CLEC16A: variants seen among roughly 807,000 people sequenced by gnomAD.
CLEC16A encodes the protein protein CLEC16A.
Under a neutral mutation model 109.5 loss-of-function variants are expected in CLEC16A, and 51 were observed. The ratio of observed to expected loss-of-function variants is 0.47; its 90% CI spans 0.37 to 0.59. The LOEUF (loss-of-function observed/expected upper bound fraction) is 0.59, where lower values mean the gene tolerates loss of function less well. Ranked by LOEUF, CLEC16A falls within the 20% of genes least tolerant of loss-of-function variation. The probability of loss-of-function intolerance (pLI) is 0.00; values close to 1 mark genes in which losing one functional copy is unlikely to be tolerated. For synonymous variants in CLEC16A, 673 were observed against 564.2 expected (o/e 1.19, Z -2.73); for missense variants, 1,339 against 1,394.0 (o/e 0.96, Z 0.63).
rs559683387 is a variant in CLEC16A at position 11,134,633 on chromosome 16, C to G, written c.2641+8487C>G. Among the ~76,000 whole-genome samples the G allele has an allele frequency of 3.9e-5, 6 of 152,352 alleles. No individual in the cohort carries two copies. In the South Asian group the frequency reaches 1.2e-3, roughly 32 times the overall value. On this transcript the variant is annotated intron_variant, in intron 22 of 23. Transcript: ENST00000409790. ...GGAATATTTGCATTATACTTACTTA[C>G]TGGTTTAGCTTCACTAATCTAAAAA...
At chr16:11,061,557 G>C (rs1026410160) in intron 19 of CLEC16A, among the ~76,000 whole-genome samples, 27 of 152,208 alleles carry the variant, frequency 1.8e-4, no homozygotes, top group African/African-American at 6.0e-4. Context: ...ATGAGGCTCA[G>C]CTTTAGAGAA....
rs996646494 is a variant in CLEC16A at position 10,962,392 on chromosome 16, GATA to G, written c.210-57_210-55del. On this transcript the variant is annotated intron_variant, in intron 2 of 23. Coordinates refer to ENST00000409790, the MANE Select transcript of CLEC16A (RefSeq NM_015226.3). ...AATACTTGTGTTGTGAATGAAACCAGATAATAATTTCTGTTTCCACATGTGGAA... is the reference window on the plus strand; with the variant it reads ...AATACTTGTGTTGTGAATGAAACCAGATAATTTCTGTTTCCACATGTGGAA... The G allele has an allele frequency of 3.1e-6, 5 of 1,600,414 alleles. No individual in the cohort carries two copies. In the African/African-American group the frequency reaches 6.7e-5, roughly 21 times the overall value.
chr16:10,985,372 T>C (rs2146839057), intron 10 of CLEC16A, among the ~76,000 whole-genome samples: 1 of 151,894 alleles, frequency 6.6e-6, no homozygotes, highest in East Asian at 1.9e-4. Flanking sequence ...TTTTGGAATC[T>C]TCTCCAACAG....
chr16:11,139,157 C>T (rs1399776259), intron 22 of CLEC16A, among the ~76,000 whole-genome samples: 1 of 152,116 alleles, frequency 6.6e-6, no homozygotes, highest in Non-Finnish European at 1.5e-5. Flanking sequence ...GTCCAGAAGG[C>T]CTTCGGGAGT....
At chr16:11,169,231 C>T (rs1020437861) in intron 23 of CLEC16A, among the ~76,000 whole-genome samples, 1 of 152,194 alleles carries the variant, frequency 6.6e-6, no homozygotes, top group African/African-American at 2.4e-5. Context: ...CTGCCAGACC[C>T]TCCGAAGTCA....
rs551501341 is a variant in CLEC16A at position 11,019,796 on chromosome 16, G to C, written c.1304-397G>C. On this transcript the variant is annotated intron_variant, in intron 11 of 23. Coordinates refer to ENST00000409790, the MANE Select transcript of CLEC16A (RefSeq NM_015226.3). ...AAAAAAAAAAAAAAAAAAATGTAAG[G>C]AGCTTTAGAATGTTGTCAGTGAGGT... Among the ~76,000 whole-genome samples, 164 of 151,868 alleles carry C rather than the reference G, an allele frequency of 1.1e-3. 1 individual carries two copies. Among genetic ancestry groups the C allele is most frequent in the African/African-American group, 3.8e-3 (158 of 41,400 alleles).
At chr16:11,146,065 G>GT (rs2054042772) in intron 22 of CLEC16A, among the ~76,000 whole-genome samples, 1 of 152,206 alleles carries the variant, frequency 6.6e-6, no homozygotes, top group African/African-American at 2.4e-5. Context: ...GGTGGCCTCT[G>GT]TTTGGAGAAG....
intron 23 of CLEC16A, among the ~76,000 whole-genome samples, chr16:11,170,940 G>C (rs1469066576): frequency 6.6e-6 from 1 of 152,190 alleles, no homozygotes; most frequent in Non-Finnish European, 1.5e-5. Context: ...TGACAGCCGG[G>C]GGATGAGGGG....
In CLEC16A at chr16:11,170,751, A is replaced by AT. The variant is rs1365807239; in HGVS notation, c.2806+4201dup. On this transcript the variant is annotated intron_variant, in intron 23 of 23. Coordinates refer to ENST00000409790, the MANE Select transcript of CLEC16A (RefSeq NM_015226.3). ...AGGATAAGTCCCTACTGTGCACAGC[A>AT]TTCGGGATACAATGTGGCAAAAAGC... 9.8e-5 allele frequency among the ~76,000 whole-genome samples: 15 copies of AT among 152,330 alleles called. No homozygotes were observed. In the South Asian group the frequency reaches 3.1e-3, roughly 32 times the overall value.
chr16:10,999,817 T>C (rs775853712), intron 10 of CLEC16A, among the ~76,000 whole-genome samples: 22 of 152,178 alleles, frequency 1.4e-4, no homozygotes, highest in Non-Finnish European at 2.8e-4. Flanking sequence ...GTTTCGGCAC[T>C]CTCTGAAGGA....
chr16:11,118,401 C>G (rs550317811), intron 19 of CLEC16A, among the ~76,000 whole-genome samples: 2 of 152,262 alleles, frequency 1.3e-5, no homozygotes, highest in Non-Finnish European at 2.9e-5. Context: ...AATGGGAAAA[C>G]TGGTTCTGAA....
intron 18 of CLEC16A, 135 bp downstream of exon 18, chr16:11,051,776 C>A (rs1238281786): frequency 1.8e-6 from 2 of 1,134,954 alleles, no homozygotes; most frequent in Non-Finnish European, 2.5e-6. Context: ...TAGAGAGTAC[C>A]CATTTGCCCC....
chr16:10,989,670 A>G (rs2043882393), intron 10 of CLEC16A, among the ~76,000 whole-genome samples: 1 of 152,182 alleles, frequency 6.6e-6, no homozygotes, highest in Non-Finnish European at 1.5e-5. Context: ...TGTAGATACC[A>G]GTTTAGCAGT....
intron 19 of CLEC16A, among the ~76,000 whole-genome samples, chr16:11,084,392 A>G (rs889582097): frequency 3.9e-5 from 6 of 152,134 alleles, no homozygotes; most frequent in African/African-American, 1.4e-4. Context: ...ATTCTTATTC[A>G]AAGTTGGATC....
chr16:10,963,330 G>T (rs1019819641), intron 3 of CLEC16A, among the ~76,000 whole-genome samples: 1 of 152,180 alleles, frequency 6.6e-6, no homozygotes, highest in Non-Finnish European at 1.5e-5. Context: ...CCACAATGGG[G>T]GTTAGAGCTT....
At chr16:11,038,603 T>C (rs570592108) in intron 13 of CLEC16A, among the ~76,000 whole-genome samples, 14 of 152,190 alleles carry the variant, frequency 9.2e-5, no homozygotes, top group African/African-American at 3.4e-4. Flanking sequence ...TTCTTTCCTT[T>C]CCCACTTACC....
At chr16:10,993,760 T>A (rs1435621858) in intron 10 of CLEC16A, among the ~76,000 whole-genome samples, 1 of 152,226 alleles carries the variant, frequency 6.6e-6, no homozygotes, top group Non-Finnish European at 1.5e-5. Flanking sequence ...GAGTGTGAGA[T>A]GCCTCATTTT....
At chr16:11,031,667 C>T (rs1013809609) in intron 13 of CLEC16A, among the ~76,000 whole-genome samples, 33 of 152,172 alleles carry the variant, frequency 2.2e-4, no homozygotes, top group African/African-American at 7.5e-4. Context: ...AGTGGTGAAG[C>T]AAACAAATGC....
chr16:11,035,806 G>A (rs988715658), intron 13 of CLEC16A, among the ~76,000 whole-genome samples: 5 of 152,162 alleles, frequency 3.3e-5, no homozygotes, highest in African/African-American at 9.7e-5. Context: ...TGGTGATTTT[G>A]TTGTTGTTTG....
Sources: gnomAD v4.1 joint callset for allele counts (sites outside exome capture counted in the v4.1 genomes callset) on GRCh38, gnomAD v4.1.1 for gene constraint, MANE v1.5 for transcripts, NCBI Gene and HGNC (gene_info 2026-07-23, HGNC 2026-07-21) for gene names.